ADGRG1: variants seen among roughly 807,000 people sequenced by gnomAD.
ADGRG1 encodes 7-transmembrane protein with no EGF-like N-terminal domains-1.
ADGRG1 carries 53 observed loss-of-function variants against 73.5 expected under a neutral mutation model. The ratio of observed to expected loss-of-function variants is 0.72; its 90% CI spans 0.58 to 0.91. The LOEUF (loss-of-function observed/expected upper bound fraction) is 0.91. Among genes scored for constraint, ADGRG1 ranks in the 40% least tolerant of loss-of-function variants. The pLI, the probability that ADGRG1 is intolerant of heterozygous loss-of-function variation, is 0.00. For missense variants in ADGRG1, 795 were observed against 871.8 expected (o/e 0.91, Z 1.11); for synonymous variants, 394 against 374.4 (o/e 1.05, Z -0.60).
chr16:57,646,751 G>C, intron 1 of ADGRG1: 1 of 952,888 alleles, frequency 1.0e-6, no homozygotes, highest in Non-Finnish European at 1.2e-6. Context: ...GCCTTCCCCA[G>C]CCTCAGTGTC....
chr16:57,636,500 C>T (rs2039404284), intron 1 of ADGRG1: 2 of 985,214 alleles, frequency 2.0e-6, no homozygotes, highest in Admixed American at 6.2e-5. Context: ...GTGTGTGCTC[C>T]TGATCCTGTT....
intron 1 of ADGRG1, chr16:57,635,208 G>C (rs1422077790): frequency 2.0e-6 from 2 of 985,356 alleles, no homozygotes; most frequent in Non-Finnish European, 2.4e-6. Context: ...CCCCCCACCT[G>C]CCTAGAGCCA....
rs1393031433 is a variant in ADGRG1, at chr16:57,650,256, G to A, written c.-32G>A. 4.4e-6 allele frequency: 7 copies of A among 1,608,152 alleles called. No homozygotes were observed. The highest frequency in any genetic ancestry group is 6.0e-6 in the Non-Finnish European group (7 of 1,174,640). On this transcript the variant is annotated 5_prime_UTR_variant, in exon 2 of 14. In the 5' UTR this introduces an upstream ATG that the reference lacks. Coordinates refer to ENST00000562631, the MANE Select transcript of ADGRG1 (RefSeq NM_201525.4). The stretch of plus-strand genomic sequence containing the variant: ...TAACACTCCTGGTCTCTTCCAGGTG[G>A]TGACTTCCAAGAGTGACTCCGTCGG...
At chr16:57,646,411 C>T (rs2042654104) in intron 1 of ADGRG1, 12 of 985,480 alleles carry the variant, frequency 1.2e-5, no homozygotes, top group African/African-American at 1.7e-5. Context: ...ACCTTCCACT[C>T]TGCTGGATCC....
chr16:57,620,618 C>T (rs761790228), upstream of ADGRG1, among the ~76,000 whole-genome samples: 1 of 152,162 alleles, frequency 6.6e-6, no homozygotes, highest in Non-Finnish European at 1.5e-5. Context: ...AAGGCAGCCT[C>T]CCTTAGCGAG....
rs770847923 is a variant in ADGRG1 at position 57,654,033 on chromosome 16, G to A, written c.668G>A (p.Gly223Glu). The A allele has an allele frequency of 2.3e-5, 37 of 1,614,008 alleles. No individual in the cohort carries two copies. Among genetic ancestry groups the A allele is most frequent in the Non-Finnish European group, 3.1e-5 (37 of 1,180,046 alleles). Residue 223 changes from glycine to glutamate, a missense_variant, in exon 5 of 14, where the codon GGG becomes GAG. By Grantham distance (98) the Gly-to-Glu change is moderately conservative. Transcript: ENST00000562631. ...ESKLTSVRFM[G>E]DMVSFEEDRI... ...AAACTGACCTCTGTGAGATTCATGG[G>A]GGACATGGTGTCCTTCGAGGAGGAC...
intron 1 of ADGRG1, chr16:57,633,374 G>T: frequency 1.0e-6 from 1 of 985,370 alleles, no homozygotes; most frequent in South Asian, 4.7e-5. Flanking sequence ...CATTACTTGG[G>T]CTGTGAAAGT....
At chr16:57,652,974 C>G in intron 3 of ADGRG1, 1 of 1,410,064 alleles carries the variant, frequency 7.1e-7, no homozygotes, top group Non-Finnish European at 9.2e-7. Flanking sequence ...CCACCCCATC[C>G]CGCTGGGGCT....
chr16:57,623,832 A>G, upstream of ADGRG1: 2 of 985,046 alleles, frequency 2.0e-6, no homozygotes, highest in Non-Finnish European at 2.4e-6. Context: ...GCTTTCCCAC[A>G]GGAGATAGCA....
chr16:57,660,067 T>C (rs2046710574), intron 11 of ADGRG1, among the ~76,000 whole-genome samples: 1 of 152,210 alleles, frequency 6.6e-6, no homozygotes, highest in South Asian at 2.1e-4. Context: ...AGGATCCCCC[T>C]GGACCTTGGG....
chr16:57,629,974 T>C (rs2037297525), intron 1 of ADGRG1: 1 of 984,582 alleles, frequency 1.0e-6, no homozygotes, highest in Admixed American at 6.1e-5. Flanking sequence ...CCCCCACCAA[T>C]GTGGAGCAGT....
upstream of ADGRG1, chr16:57,624,621 AG>A (rs2035487053): frequency 4.2e-6 from 2 of 474,822 alleles, no homozygotes; most frequent in Non-Finnish European, 5.5e-6. Context: ...TGCTCTGGCC[AG>A]AGGGTTAGAG....
upstream of ADGRG1, chr16:57,626,612 C>T: frequency 3.0e-6 from 3 of 985,440 alleles, no homozygotes; most frequent in Non-Finnish European, 3.6e-6. Flanking sequence ...TCCTATGTGG[C>T]CAGAGTGGCA....
At chr16:57,629,956 G>T in intron 1 of ADGRG1, 2 of 977,890 alleles carry the variant, frequency 2.0e-6, no homozygotes, top group Non-Finnish European at 2.4e-6. Context: ...CAAGGCAGGG[G>T]CCTCCCACCC....
In ADGRG1 at chr16:57,661,930, TC is replaced by T. The variant is rs753241718; in HGVS notation, c.1900del (p.Leu634SerfsTer33). 2 of 1,614,218 alleles carry T rather than the reference TC, an allele frequency of 1.2e-6. No individual in the cohort carries two copies. The highest frequency in any genetic ancestry group is 1.7e-6 in the Non-Finnish European group (2 of 1,180,024). ...SFASGTFQLV[V>X]LYLFSIITSF... ...GCTTCTGGCACCTTCCAGCTTGTCG[TC>T]CTCTACCTTTTCAGCATCATCACCT... is the stretch of plus-strand genomic sequence containing the variant. On this transcript the variant is annotated frameshift_variant, in exon 13 of 14. Coordinates refer to ENST00000562631, the MANE Select transcript of ADGRG1 (RefSeq NM_201525.4). LOFTEE classifies it high-confidence loss of function.
rs753007131 is a variant in ADGRG1, at chr16:57,663,564, C to G, written c.2046C>G (p.Thr682=). 4.3e-6 allele frequency: 7 copies of G among 1,613,558 alleles called. No individual in the cohort carries two copies. The highest frequency in any genetic ancestry group is 5.9e-6 in the Non-Finnish European group (7 of 1,180,000). Residue 682 remains threonine, a synonymous_variant, in exon 14 of 14, where the codon ACC becomes ACG. Transcript: ENST00000562631. ...SARLPISSGS[T]SSSRI is the part of the protein sequence containing the mutation. ...GGCTCCCCATCAGCTCGGGCAGCAC[C>G]TCGTCCAGCCGCATCTAGGCCTCCA... is the stretch of plus-strand genomic sequence containing the variant.
chr16:57,650,342 C>T lies in ADGRG1; in HGVS notation c.55C>T (p.Leu19=). 6.2e-7 allele frequency: 1 copy of T among 1,612,582 alleles called. No homozygotes were observed. The highest frequency in any genetic ancestry group is 2.2e-5 in the East Asian group (1 of 44,870). The part of the protein sequence containing the change: ...TTLFLLSLLF[L]VQGAHGRGHR... The stretch of plus-strand genomic sequence containing the variant: ...ACTGTTCCTGCTGAGTCTGCTCTTC[C>T]TGGTCCAAGGCAGGTCTTCCCAGGG... The change falls in exon 2 of 14, where the codon CTG becomes TTG. Residue 19 remains leucine (L), a synonymous_variant. Transcript: ENST00000562631.
At chr16:57,636,658 C>G in intron 1 of ADGRG1, 2 of 985,228 alleles carry the variant, frequency 2.0e-6, no homozygotes, top group East Asian at 2.3e-4. Flanking sequence ...GGAATGGCTC[C>G]TTTTGGGAAG....
upstream of ADGRG1, chr16:57,623,064 C>A (rs2035170241): frequency 1.0e-6 from 1 of 984,978 alleles, no homozygotes; most frequent in Non-Finnish European, 1.2e-6. Context: ...AATAAGGCAG[C>A]TCTAATCCTG....
Sources: allele counts gnomAD v4.1 joint callset (sites outside exome capture counted in the v4.1 genomes callset), GRCh38; gene constraint gnomAD v4.1.1; transcripts MANE v1.5; gene names NCBI Gene and HGNC (gene_info 2026-07-23, HGNC 2026-07-21).